RPGRIP1L: variants seen among roughly 807,000 people sequenced by gnomAD.
The protein encoded by RPGRIP1L is RPGRIP1 like, also known as protein fantom.
RPGRIP1L carries 131 observed loss-of-function variants against 160.4 expected under a neutral mutation model. The ratio of observed to expected loss-of-function variants is 0.82; its 90% CI spans 0.71 to 0.94. RPGRIP1L has a LOEUF of 0.94. Among genes scored for constraint, RPGRIP1L ranks in the 40% least tolerant of loss-of-function variants. The probability of loss-of-function intolerance (pLI) is 0.00; values close to 1 mark genes in which losing one functional copy is unlikely to be tolerated. For synonymous variants in RPGRIP1L, 510 were observed against 515.8 expected (o/e 0.99, Z 0.15); for missense variants, 1,522 against 1,535.8 (o/e 0.99, Z 0.15).
At chr16:53,684,532 G>T (rs184432550) in intron 6 of RPGRIP1L, among the ~76,000 whole-genome samples, 2,546 of 147,274 alleles carry the variant, frequency 0.017, 69 homozygotes, top group African/African-American at 0.06. Flanking sequence ...TCATAGGTGG[G>T]AATTGAACAA....
At chr16:53,603,860 T>C (rs1216391746) in intron 26 of RPGRIP1L, among the ~76,000 whole-genome samples, 1 of 152,152 alleles carries the variant, frequency 6.6e-6, no homozygotes, top group Non-Finnish European at 1.5e-5. Context: ...TTCTCACTTC[T>C]ATGGTTGCTG....
intron 23 of RPGRIP1L, among the ~76,000 whole-genome samples, chr16:53,621,091 C>A (rs1426594219): frequency 6.6e-6 from 1 of 152,082 alleles, no homozygotes; most frequent in Non-Finnish European, 1.5e-5. Flanking sequence ...TTGTTTATCA[C>A]AGAACCTAAT....
chr16:53,677,381 A>G lies in RPGRIP1L; in HGVS notation c.777-2259T>C, dbSNP rs189799516. Among the ~76,000 whole-genome samples the G allele has an allele frequency of 1.1e-4, 17 of 152,324 alleles. No homozygotes were observed. The East Asian group carries it at 3.1e-3, about 28-fold the overall frequency. On this transcript the variant is annotated intron_variant, in intron 6 of 26. Transcript: ENST00000647211. ...TTTCCTGGGACAATGCTAAACTTGT[A>G]AGTCTTTAATAATTACTTTTACGTA... is the stretch of plus-strand genomic sequence containing the variant.
chr16:53,641,844 A>G (rs1225516834), intron 17 of RPGRIP1L, among the ~76,000 whole-genome samples: 1 of 152,190 alleles, frequency 6.6e-6, no homozygotes, highest in Non-Finnish European at 1.5e-5. Flanking sequence ...AGGCTCAAGT[A>G]TCCTCCATTT....
At chr16:53,662,486 G>T (rs1967885783) in intron 10 of RPGRIP1L, among the ~76,000 whole-genome samples, 1 of 151,908 alleles carries the variant, frequency 6.6e-6, no homozygotes, top group Non-Finnish European at 1.5e-5. Context: ...AAGAAGCCAG[G>T]GAAACATCTT....
rs1968112121 is a variant in RPGRIP1L, at chr16:53,664,963, G to A, written c.1150C>T (p.Gln384Ter). The change falls in exon 10 of 27, where the codon CAG (glutamine) becomes TAG (stop). Residue 384 changes from glutamine to a stop codon, truncating the protein, a stop_gained. Coordinates refer to ENST00000647211, the MANE Select transcript of RPGRIP1L (RefSeq NM_015272.5). LOFTEE classifies it high-confidence loss of function. The part of the protein sequence containing the change: ...HEEQWKLKEQ[Q>*]LKVQIAQLET... ...AGCTGAGCAATCTGCACTTTCAGCT[G>A]TTGCTCCTTTAACTTCCATTGCTCT... 3.7e-6 allele frequency: 6 copies of A among 1,613,582 alleles called. No homozygotes were observed. The highest frequency in any genetic ancestry group is 4.2e-6 in the Non-Finnish European group (5 of 1,179,866).
rs1035767977 is a variant in RPGRIP1L at position 53,701,498 on chromosome 16, G to A, written c.-7-768C>T. On this transcript the variant is annotated intron_variant, in intron 1 of 26. Coordinates refer to ENST00000647211, the MANE Select transcript of RPGRIP1L (RefSeq NM_015272.5). The stretch of plus-strand genomic sequence containing the variant: ...ACCATAGTAACTCTATTTTGAGTAT[G>A]GATGTGAGTGGTCCACACAATATCT... 2.4e-4 allele frequency among the ~76,000 whole-genome samples: 36 copies of A among 149,534 alleles called. 1 individual carries two copies. Among genetic ancestry groups the A allele is most frequent in the Non-Finnish European group, 7.4e-5 (5 of 67,556 alleles).
chr16:53,692,422 T>C, intron 3 of RPGRIP1L, 58 bp from the exon 4 acceptor site: 1 of 1,503,230 alleles, frequency 6.7e-7, no homozygotes, highest in East Asian at 2.3e-5. Context: ...AAATCCATTC[T>C]GTTGAAAGGA....
chr16:53,686,669 C>G, intron 5 of RPGRIP1L, 93 bp from the exon 6 acceptor site: 1 of 1,330,818 alleles, frequency 7.5e-7, no homozygotes, highest in Non-Finnish European at 1.1e-6. Context: ...TGAAAAAGAG[C>G]AAGCAGAAGT....
chr16:53,612,902 C>G lies in RPGRIP1L; in HGVS notation c.3617-1851G>C, dbSNP rs968676804. 7.9e-5 allele frequency among the ~76,000 whole-genome samples: 12 copies of G among 152,316 alleles called. 1 individual carries two copies. The highest frequency in any genetic ancestry group is 5.2e-4 in the Admixed American group (8 of 15,292). ...AAACTCCATACTCATTAATCAATAA[C>G]TTTCCATTCTTCCCTCTTCTCAGCC... On this transcript the variant is annotated intron_variant, in intron 24 of 26. Coordinates refer to ENST00000647211, the MANE Select transcript of RPGRIP1L (RefSeq NM_015272.5).
chr16:53,672,763 T>A (rs1968846911), intron 8 of RPGRIP1L, 107 bp downstream of exon 8: 1 of 1,016,566 alleles, frequency 9.8e-7, no homozygotes, highest in African/African-American at 1.6e-5. Context: ...TGTACATAAC[T>A]TATAATTTTA....
chr16:53,652,265 G>T (rs1444073185), intron 15 of RPGRIP1L, among the ~76,000 whole-genome samples: 1 of 152,098 alleles, frequency 6.6e-6, no homozygotes, highest in Non-Finnish European at 1.5e-5. Context: ...TAGAGACGGG[G>T]TTTTGCTGTA....
At chr16:53,635,113 A>G (rs1965756113) in intron 22 of RPGRIP1L, among the ~76,000 whole-genome samples, 1 of 152,228 alleles carries the variant, frequency 6.6e-6, no homozygotes, top group Non-Finnish European at 1.5e-5. Context: ...AAGAAAAAAT[A>G]TATATGTACA....
At chr16:53,674,970 TC>T (rs1567867104) in intron 7 of RPGRIP1L, 46 bp downstream of exon 7, 1 of 1,268,496 alleles carries the variant, frequency 7.9e-7, no homozygotes, top group East Asian at 2.3e-5. Context: ...TACTTTTGAA[TC>T]CTTTGCATCT....
chr16:53,635,203 A>G (rs570888179), intron 22 of RPGRIP1L, among the ~76,000 whole-genome samples: 5 of 152,322 alleles, frequency 3.3e-5, no homozygotes, highest in Non-Finnish European at 5.9e-5. Flanking sequence ...ATTCTACCTT[A>G]GTTAAGAGCA....
intron 1 of RPGRIP1L, among the ~76,000 whole-genome samples, chr16:53,702,493 T>G (rs951797343): frequency 2.0e-5 from 3 of 152,200 alleles, no homozygotes; most frequent in African/African-American, 7.2e-5. Flanking sequence ...TATCCTTCTT[T>G]GCTCACTATG....
chr16:53,623,554 T>C (rs1158410209), intron 22 of RPGRIP1L, among the ~76,000 whole-genome samples: 1 of 152,240 alleles, frequency 6.6e-6, no homozygotes, highest in Admixed American at 6.5e-5. Flanking sequence ...CTGTTTTATA[T>C]TGCTCAGTTT....
intron 1 of RPGRIP1L, among the ~76,000 whole-genome samples, chr16:53,703,077 T>C (rs2151431607): frequency 6.6e-6 from 1 of 152,238 alleles, no homozygotes; most frequent in East Asian, 1.9e-4. Context: ...GAGACCAGCC[T>C]GGCCAACATG....
chr16:53,623,380 CAG>C (rs1180859205), intron 22 of RPGRIP1L, among the ~76,000 whole-genome samples: 2 of 152,216 alleles, frequency 1.3e-5, no homozygotes, highest in Non-Finnish European at 2.9e-5. Flanking sequence ...ACTCTCATGA[CAG>C]AGAGAGGTGA....
Sources: allele counts gnomAD v4.1 joint callset (sites outside exome capture counted in the v4.1 genomes callset), GRCh38; gene constraint gnomAD v4.1.1; transcripts MANE v1.5; gene names NCBI Gene and HGNC (gene_info 2026-07-23, HGNC 2026-07-21).